The following NRXN1 variants were observed in gnomAD, a reference collection of about 807,000 sequenced individuals.
The protein encoded by NRXN1 is neurexin 1.
In NRXN1, 39 loss-of-function variants were observed where a neutral mutation model predicts 150.9. The ratio of observed to expected loss-of-function variants is 0.26; its 90% CI spans 0.20 to 0.34. The LOEUF (loss-of-function observed/expected upper bound fraction) is 0.34, where lower values mean the gene tolerates loss of function less well. Among genes scored for constraint, NRXN1 ranks in the 10% least tolerant of loss-of-function variants. The pLI, the probability that NRXN1 is intolerant of heterozygous loss-of-function variation, is 1.00. For synonymous variants in NRXN1, 924 were observed against 757.0 expected (o/e 1.22, Z -3.62); for missense variants, 1,815 against 1,949.9 (o/e 0.93, Z 1.30).
At chr2:50,281,694 C>G (rs1296618133) in intron 17 of NRXN1, among the ~76,000 whole-genome samples, 2 of 152,102 alleles carry the variant, frequency 1.3e-5, no homozygotes, top group African/African-American at 4.8e-5. Flanking sequence ...AATTAATTCA[C>G]AAATTCAGAT....
intron 5 of NRXN1, among the ~76,000 whole-genome samples, chr2:50,690,450 T>C (rs1294490513): frequency 6.6e-6 from 1 of 152,170 alleles, no homozygotes; most frequent in African/African-American, 2.4e-5. Flanking sequence ...AAATGTCGAA[T>C]TCTCTAATCC....
intron 5 of NRXN1, among the ~76,000 whole-genome samples, chr2:50,902,014 A>G (rs756075637): frequency 2.0e-5 from 3 of 152,198 alleles, no homozygotes; most frequent in Non-Finnish European, 4.4e-5. Context: ...ATTTGGTGGG[A>G]AAGTCATGAA....
At chr2:50,836,255 T>C (rs1489901994) in intron 5 of NRXN1, among the ~76,000 whole-genome samples, 1 of 152,148 alleles carries the variant, frequency 6.6e-6, no homozygotes, top group African/African-American at 2.4e-5. Context: ...CAATGTGTTG[T>C]TTTGATGTAT....
chr2:50,684,872 C>T (rs776082014), intron 5 of NRXN1, among the ~76,000 whole-genome samples: 6 of 152,098 alleles, frequency 3.9e-5, no homozygotes, highest in Non-Finnish European at 8.8e-5. Context: ...TCTTTGCTTA[C>T]ATATTACTAA....
At chr2:50,512,030 T>C (rs776017131) in intron 12 of NRXN1, among the ~76,000 whole-genome samples, 1 of 152,088 alleles carries the variant, frequency 6.6e-6, no homozygotes, top group Non-Finnish European at 1.5e-5. Flanking sequence ...ACATGTATTC[T>C]CTCTATTCCT....
chr2:50,437,149 C>CT (rs2085516981), intron 17 of NRXN1, among the ~76,000 whole-genome samples: 1 of 152,138 alleles, frequency 6.6e-6, no homozygotes, highest in South Asian at 2.1e-4. Flanking sequence ...TACAAAATGA[C>CT]TTATTACAGG....
chr2:50,151,729 A>T (rs1347280621), intron 18 of NRXN1, among the ~76,000 whole-genome samples: 1 of 151,704 alleles, frequency 6.6e-6, no homozygotes, highest in Admixed American at 6.6e-5. Flanking sequence ...CCTGATGGAT[A>T]CATTCTAAAG....
At chr2:50,581,759 A>T (rs1051215478) in intron 8 of NRXN1, among the ~76,000 whole-genome samples, 5 of 152,166 alleles carry the variant, frequency 3.3e-5, no homozygotes, top group African/African-American at 9.7e-5. Flanking sequence ...GGACAATAAG[A>T]CATCTAGCTA....
At position 50,656,532 on chromosome 2, in the gene NRXN1, AAAT is replaced by A. The variant is rs1424525884; in HGVS notation, c.833-32920_833-32918del. On this transcript the variant is annotated intron_variant, in intron 5 of 22. Transcript: ENST00000401669. ...GAAAGGGGAAGTTAATTTATCCCCTAAATAATATTTATTTTGTATACAAAAGAA... is the reference window on the plus strand; with the variant it reads ...GAAAGGGGAAGTTAATTTATCCCCTAAATATTTATTTTGTATACAAAAGAA... 8 of 589,792 alleles carry A rather than the reference AAAT, an allele frequency of 1.4e-5. No individual in the cohort carries two copies. In the African/African-American group the frequency reaches 1.5e-4, roughly 11 times the overall value. 36.5% of individuals were successfully genotyped at this position (589,792 alleles called of 1,614,324 possible).
chr2:50,759,151 C>T (rs540309535), intron 5 of NRXN1, among the ~76,000 whole-genome samples: 1 of 151,870 alleles, frequency 6.6e-6, no homozygotes. Context: ...AAATAAATCA[C>T]CTTTAATAGT....
intron 21 of NRXN1, among the ~76,000 whole-genome samples, chr2:50,030,030 T>A (rs1688959050): frequency 6.6e-6 from 1 of 152,118 alleles, no homozygotes; most frequent in East Asian, 1.9e-4. Flanking sequence ...ATTTAAAATG[T>A]CTGGGTAACT....
rs1190477494 is a variant in NRXN1, at chr2:50,070,641, G to A, written c.3719-15597C>T. Among the ~76,000 whole-genome samples the A allele has an allele frequency of 2.6e-5, 4 of 151,358 alleles. No individual in the cohort carries two copies. In the East Asian group the frequency reaches 7.8e-4, roughly 30 times the overall value. ...AAAAATTATCCGGGCGTAGTGGCGG[G>A]CGCCTGTAGTCCCAGCTACTCGGGA... On this transcript the variant is annotated intron_variant, in intron 19 of 22. Coordinates refer to ENST00000401669, the MANE Select transcript of NRXN1 (RefSeq NM_001330078.2).
At chr2:50,370,210 G>A (rs946401730) in intron 17 of NRXN1, among the ~76,000 whole-genome samples, 1 of 151,968 alleles carries the variant, frequency 6.6e-6, no homozygotes, top group Admixed American at 6.6e-5. Flanking sequence ...GTACATGTTT[G>A]ATGTTGTTTT....
chr2:50,841,723 A>G (rs1559338927), intron 5 of NRXN1, among the ~76,000 whole-genome samples: 1 of 152,192 alleles, frequency 6.6e-6, no homozygotes, highest in African/African-American at 2.4e-5. Flanking sequence ...GGGAAAAAAA[A>G]TTGTAATTTT....
At chr2:50,746,593 AAC>A (rs1252681241) in intron 5 of NRXN1, among the ~76,000 whole-genome samples, 12 of 151,974 alleles carry the variant, frequency 7.9e-5, no homozygotes, top group African/African-American at 1.2e-4. Context: ...CAACAACAAC[AAC>A]AAAAATGTGG....
intron 5 of NRXN1, among the ~76,000 whole-genome samples, chr2:50,693,951 T>C (rs1432388279): frequency 6.6e-6 from 1 of 152,064 alleles, no homozygotes; most frequent in African/African-American, 2.4e-5. Flanking sequence ...ACTACCATGG[T>C]CGGCTAATTG....
chr2:50,337,418 T>A (rs1273042033), intron 17 of NRXN1, among the ~76,000 whole-genome samples: 1 of 152,136 alleles, frequency 6.6e-6, no homozygotes, highest in Non-Finnish European at 1.5e-5. Context: ...CCTGCTTGGG[T>A]TTGAATCCAG....
chr2:49,993,167 TTCGG>T (rs759352622), intron 21 of NRXN1, among the ~76,000 whole-genome samples: 2 of 152,160 alleles, frequency 1.3e-5, no homozygotes, highest in Non-Finnish European at 2.9e-5. Context: ...CAAGGTATTC[TTCGG>T]TAAGTAAACG....
chr2:50,940,866 T>A (rs530183519), intron 2 of NRXN1, among the ~76,000 whole-genome samples: 2 of 152,144 alleles, frequency 1.3e-5, no homozygotes, highest in African/African-American at 2.4e-5. Flanking sequence ...TATCAGAATT[T>A]GCAAATTACA....
Sources: gnomAD v4.1 joint callset for allele counts (sites outside exome capture counted in the v4.1 genomes callset) on GRCh38, gnomAD v4.1.1 for gene constraint, MANE v1.5 for transcripts, NCBI Gene and HGNC (gene_info 2026-07-23, HGNC 2026-07-21) for gene names.